ZFAND3: variants seen among roughly 807,000 people sequenced by gnomAD.
The protein encoded by ZFAND3 is zinc finger AN1-type containing 3, also known as AN1-type zinc finger protein 3.
ZFAND3 carries 10 observed loss-of-function variants against 29.6 expected under a neutral mutation model. The ratio of observed to expected loss-of-function variants is 0.34; its 90% CI spans 0.21 to 0.57. The LOEUF (loss-of-function observed/expected upper bound fraction) is 0.57, where lower values mean the gene tolerates loss of function less well. Among genes scored for constraint, ZFAND3 ranks in the 20% least tolerant of loss-of-function variants. The probability of loss-of-function intolerance (pLI) is 0.86; values close to 1 mark genes in which losing one functional copy is unlikely to be tolerated. For synonymous variants in ZFAND3, 128 were observed against 112.6 expected (o/e 1.14, Z -0.87); for missense variants, 230 against 304.5 (o/e 0.76, Z 1.82).
Position 37,826,186 on chromosome 6 carries a change from C to T in ZFAND3, c.71+6170C>T, listed in dbSNP as rs185591163. Among the ~76,000 whole-genome samples, 248 of 152,272 alleles carry T rather than the reference C, an allele frequency of 1.6e-3. 2 individuals are homozygous for T. Among genetic ancestry groups the T allele is most frequent in the Non-Finnish European group, 1.4e-3 (94 of 68,026 alleles). On this transcript the variant is annotated intron_variant, in intron 1 of 5. Transcript: ENST00000287218. The stretch of plus-strand genomic sequence containing the variant: ...TTGAAGGAAGTGATTGGTCTTGACC[C>T]AGCACTTGTAATGCAGTACTTACAA...
At chr6:37,845,982 TGTGAA>T (rs1407934595) in intron 1 of ZFAND3, among the ~76,000 whole-genome samples, 1 of 152,210 alleles carries the variant, frequency 6.6e-6, no homozygotes, top group African/African-American at 2.4e-5. Context: ...TCCTGGAATT[TGTGAA>T]GTGAAGTGTT....
chr6:38,114,604 A>ATGCCC (rs1213227329), intron 4 of ZFAND3, among the ~76,000 whole-genome samples: 1 of 152,254 alleles, frequency 6.6e-6, no homozygotes, highest in Non-Finnish European at 1.5e-5. Flanking sequence ...GGGCCTCCAT[A>ATGCCC]TGCCAGTACA....
At chr6:37,991,277 T>G (rs997438818) in intron 2 of ZFAND3, among the ~76,000 whole-genome samples, 3 of 152,006 alleles carry the variant, frequency 2.0e-5, no homozygotes, top group African/African-American at 7.2e-5. Flanking sequence ...AGGATCCCCT[T>G]AGGATTTGTG....
At chr6:37,842,315 TCTG>T (rs2127374646) in intron 1 of ZFAND3, among the ~76,000 whole-genome samples, 1 of 152,294 alleles carries the variant, frequency 6.6e-6, no homozygotes, top group East Asian at 1.9e-4. Context: ...GCTGGTCCCT[TCTG>T]CTGTTTCTCG....
chr6:38,129,815 T>C (rs1387259517), intron 5 of ZFAND3, among the ~76,000 whole-genome samples: 3 of 145,728 alleles, frequency 2.1e-5, no homozygotes, highest in Admixed American at 1.4e-4. Context: ...TTTTTTTTTT[T>C]CCATGTGAAT....
intron 5 of ZFAND3, among the ~76,000 whole-genome samples, chr6:38,127,085 C>T (rs906438205): frequency 6.6e-6 from 1 of 152,022 alleles, no homozygotes; most frequent in East Asian, 1.9e-4. Context: ...AATCTATATG[C>T]CTTTTATTTC....
intron 2 of ZFAND3, among the ~76,000 whole-genome samples, chr6:37,982,762 G>C (rs1021977359): frequency 1.3e-5 from 2 of 152,160 alleles, no homozygotes; most frequent in Admixed American, 1.3e-4. Flanking sequence ...AAAGTTAACT[G>C]TAAAGTAGCC....
At chr6:38,101,590 A>G (rs112462494) in intron 4 of ZFAND3, among the ~76,000 whole-genome samples, 2 of 151,968 alleles carry the variant, frequency 1.3e-5, no homozygotes, top group African/African-American at 4.8e-5. Context: ...CCTGGCCAAC[A>G]TGGTGAAACC....
At chr6:38,009,183 A>C (rs1763102704) in intron 2 of ZFAND3, among the ~76,000 whole-genome samples, 2 of 152,214 alleles carry the variant, frequency 1.3e-5, no homozygotes, top group African/African-American at 4.8e-5. Context: ...TAATCAAATA[A>C]ATAGTTAAAT....
chr6:37,851,165 C>T (rs1306101411), intron 1 of ZFAND3, among the ~76,000 whole-genome samples: 39 of 135,568 alleles, frequency 2.9e-4, no homozygotes, highest in African/African-American at 1.0e-3. Flanking sequence ...TTTTTTTTTT[C>T]AGGTAGAGAT....
chr6:38,053,075 G>A (rs569282876), intron 2 of ZFAND3, among the ~76,000 whole-genome samples: 10 of 151,644 alleles, frequency 6.6e-5, no homozygotes, highest in Non-Finnish European at 1.3e-4. Flanking sequence ...ATAGCACTTC[G>A]TGTTGAGAAA....
chr6:38,133,611 G>A (rs1284367386), intron 5 of ZFAND3, among the ~76,000 whole-genome samples: 2 of 151,996 alleles, frequency 1.3e-5, no homozygotes, highest in Admixed American at 6.5e-5. Flanking sequence ...TTAGCCGGGC[G>A]TGGTGGCGGG....
In ZFAND3 at chr6:37,950,330, CTGTT is replaced by C. The variant is rs1304471576; in HGVS notation, c.112+20336_112+20339del. Among the ~76,000 whole-genome samples, 5 of 148,014 alleles carry C rather than the reference CTGTT, an allele frequency of 3.4e-5. No homozygotes were observed. In the Admixed American group the frequency reaches 3.4e-4, roughly 10 times the overall value. On this transcript the variant is annotated intron_variant, in intron 2 of 5. Transcript: ENST00000287218. ...AATCTTCTAGCCAATTATTCCAGTACTGTTTGTTAAATTGGGAGTCCTTTTTCCA... is the reference window on the plus strand; with the variant it reads ...AATCTTCTAGCCAATTATTCCAGTACTGTTAAATTGGGAGTCCTTTTTCCA...
chr6:38,137,246 G>A (rs764638836), intron 5 of ZFAND3, among the ~76,000 whole-genome samples: 12 of 152,278 alleles, frequency 7.9e-5, no homozygotes, highest in Admixed American at 2.6e-4. Flanking sequence ...AAGTAAACGT[G>A]CTACTGCAAA....
At chr6:38,034,202 G>A (rs1763615167) in intron 2 of ZFAND3, among the ~76,000 whole-genome samples, 1 of 152,120 alleles carries the variant, frequency 6.6e-6, no homozygotes, top group South Asian at 2.1e-4. Flanking sequence ...TTTTTATTTA[G>A]TGGGGCAAAC....
intron 2 of ZFAND3, among the ~76,000 whole-genome samples, chr6:38,039,265 T>C (rs1260895041): frequency 6.6e-6 from 1 of 152,176 alleles, no homozygotes; most frequent in Non-Finnish European, 1.5e-5. Context: ...TTGGAAAGAA[T>C]GAGATGATCT....
intron 2 of ZFAND3, among the ~76,000 whole-genome samples, chr6:38,045,883 C>T (rs1465398348): frequency 6.6e-6 from 1 of 152,078 alleles, no homozygotes; most frequent in Non-Finnish European, 1.5e-5. Context: ...TCCTAGGGAT[C>T]AAAGCAAAAA....
chr6:37,890,691 T>C (rs998479623), intron 1 of ZFAND3, among the ~76,000 whole-genome samples: 2 of 152,226 alleles, frequency 1.3e-5, no homozygotes, highest in Non-Finnish European at 2.9e-5. Flanking sequence ...TTATAATTGT[T>C]GCTAATTCAC....
chr6:38,154,606 TTAAAC>T lies in ZFAND3; in HGVS notation c.*2218_*2222del, dbSNP rs1181327260. 1.1e-6 allele frequency: 1 copy of T among 940,966 alleles called. No individual in the cohort carries two copies. The highest frequency in any genetic ancestry group is 1.8e-5 in the African/African-American group (1 of 56,224). The allele number at this position is 940,966 out of a possible 1,614,324, so 58.3% of individuals were successfully genotyped here. On this transcript the variant is annotated 3_prime_UTR_variant, in exon 6 of 6. Coordinates refer to ENST00000287218, the MANE Select transcript of ZFAND3 (RefSeq NM_021943.3). ...TTTTTTCTCCTGCTGAAAAAAAAAA[TTAAAC>T]CAATCGTATGAAAGTTTGGTTTTCT...
Sources: gnomAD v4.1 joint callset for allele counts (sites outside exome capture counted in the v4.1 genomes callset) on GRCh38, gnomAD v4.1.1 for gene constraint, MANE v1.5 for transcripts, NCBI Gene and HGNC (gene_info 2026-07-23, HGNC 2026-07-21) for gene names.